OR10H1: variants seen among roughly 807,000 people sequenced by gnomAD.
The protein encoded by OR10H1 is olfactory receptor family 10 subfamily H member 1, also known as olfactory receptor 10H1.
A neutral mutation model predicts 13.1 loss-of-function variants in OR10H1; 12 were observed. The ratio of observed to expected loss-of-function variants is 0.92; its 90% CI spans 0.59 to 1.48. The LOEUF is 1.48. Ranked by LOEUF, OR10H1 falls within the 40% of genes most tolerant of loss-of-function variation. The pLI is 0.00. For missense variants in OR10H1, 363 were observed against 413.1 expected (o/e 0.88, Z 1.05); for synonymous variants, 168 against 175.6 (o/e 0.96, Z 0.34).
chr19:15,809,904 C>T (rs2088923877), intron 2 of OR10H1, among the ~76,000 whole-genome samples: 1 of 151,994 alleles, frequency 6.6e-6, no homozygotes, highest in Admixed American at 6.5e-5. Context: ...CAGCCTTCGG[C>T]TCCTGGGCTT....
intron 2 of OR10H1, among the ~76,000 whole-genome samples, chr19:15,809,175 C>T (rs974069136): frequency 1.2e-4 from 19 of 152,130 alleles, no homozygotes; most frequent in Non-Finnish European, 2.4e-4. Context: ...TGTTCTGAGG[C>T]AATGAAATGT....
rs2088912352 is a variant in OR10H1, at chr19:15,807,956, A to G, written c.82T>C (p.Phe28Leu). Reference protein sequence around the residue: ...SVFPHLQLMLFLLFLLMYLFT... With the variant: ...SVFPHLQLMLLLLFLLMYLFT... ...AGGTACATCAGCAGGAACAGCAGGA[A>G]GAGCATCAGCTGGAGGTGGGGGAAG... is the stretch of plus-strand genomic sequence containing the variant. The change falls in exon 4 of 4, where the codon TTC (phenylalanine) becomes CTC (leucine). Residue 28 changes from phenylalanine to leucine, a missense_variant. Coordinates refer to ENST00000641419, the MANE Select transcript of OR10H1 (RefSeq NM_013940.4). 1 of 1,614,074 alleles carries G rather than the reference A, an allele frequency of 6.2e-7. No homozygotes were observed. Among genetic ancestry groups the G allele is most frequent in the Non-Finnish European group, 8.5e-7 (1 of 1,180,012 alleles).
chr19:15,813,815 GGGAGAGAGAGAGAAGT>G (rs1422339055), intron 1 of OR10H1, among the ~76,000 whole-genome samples: 1 of 150,976 alleles, frequency 6.6e-6, no homozygotes, highest in Admixed American at 6.6e-5. Context: ...GAGAAGGGTG[GGGAGAGAGAGAGAAGT>G]GGAGAGAGAG....
Position 15,806,755 on chromosome 19 carries a change from T to C in OR10H1, c.*326A>G. The C allele has an allele frequency of 4.0e-6, 1 of 251,724 alleles. No individual in the cohort carries two copies. Among genetic ancestry groups the C allele is most frequent in the Non-Finnish European group, 7.7e-6 (1 of 130,684 alleles). 15.6% of individuals were successfully genotyped at this position (251,724 alleles called of 1,614,324 possible). On this transcript the variant is annotated 3_prime_UTR_variant, in exon 4 of 4. Transcript: ENST00000641419. ...TTTCTTTCTTTCTTCTTTGAGACAG[T>C]CTCACTCTGTCGCCCAGGCTGGAGT...
chr19:15,808,939 C>A (rs1403948727), intron 2 of OR10H1, 98 bp from the exon 3 acceptor site: 1 of 152,194 alleles, frequency 6.6e-6, no homozygotes, highest in Non-Finnish European at 1.5e-5. Context: ...TGCCCTCCTA[C>A]TCCCTTCTGA....
In OR10H1 at chr19:15,808,998, C is replaced by T. The variant is rs368020688; in HGVS notation, c.-128-157G>A. Among the ~76,000 whole-genome samples, 35 of 152,272 alleles carry T rather than the reference C, an allele frequency of 2.3e-4. No homozygotes were observed. In the East Asian group the frequency reaches 6.0e-3, roughly 26 times the overall value. ...CCAGGTATCATGAGACGTTCCCACC[C>T]ATGGCTGCAACTCCTTGGAACAGGG... On this transcript the variant is annotated intron_variant, in intron 2 of 3. Transcript: ENST00000641419.
intron 2 of OR10H1, among the ~76,000 whole-genome samples, chr19:15,809,826 T>C (rs954045384): frequency 6.6e-6 from 1 of 152,098 alleles, no homozygotes; most frequent in African/African-American, 2.4e-5. Context: ...TTTTTTTTTT[T>C]TCAAAAGACA....
intron 3 of OR10H1, among the ~76,000 whole-genome samples, chr19:15,808,394 C>T (rs1266100201): frequency 6.6e-6 from 1 of 152,112 alleles, no homozygotes; most frequent in South Asian, 2.1e-4. Context: ...TGCCCCCAAA[C>T]GAAAATGCTC....
intron 1 of OR10H1, among the ~76,000 whole-genome samples, chr19:15,813,632 A>C (rs952394196): frequency 1.4e-5 from 2 of 141,134 alleles, no homozygotes; most frequent in Non-Finnish European, 3.1e-5. Context: ...AGAGAGAGAG[A>C]TGGAGGGAGA....
At position 15,806,738 on chromosome 19, in the gene OR10H1, TTTC is replaced by T. The variant is rs1432845645; in HGVS notation, c.*340_*342del. 1 of 208,210 alleles carries T rather than the reference TTTC, an allele frequency of 4.8e-6. No homozygotes were observed. Among genetic ancestry groups the T allele is most frequent in the Non-Finnish European group, 9.7e-6 (1 of 103,320 alleles). 12.9% of individuals were successfully genotyped at this position (208,210 alleles called of 1,614,324 possible). A position where few individuals can be genotyped will look rare whatever the true frequency, so the allele number is the denominator to read the frequency against. ...GTAATTTTCTTTTTTTCTTTCTTTC[TTTC>T]TTCTTTGAGACAGTCTCACTCTGTC... is the stretch of plus-strand genomic sequence containing the variant. On this transcript the variant is annotated 3_prime_UTR_variant, in exon 4 of 4. Transcript: ENST00000641419.
At position 15,814,472 on chromosome 19, in the gene OR10H1, TGTGTGTGTGAGAGAGAGAGAGAGAGAGA is replaced by T. The variant is rs1260995493; in HGVS notation, c.-778+1055_-778+1082del. Among the ~76,000 whole-genome samples, 363 of 48,620 alleles carry T rather than the reference TGTGTGTGTGAGAGAGAGAGAGAGAGAGA, an allele frequency of 7.5e-3. 4 individuals are homozygous for T. Among genetic ancestry groups the T allele is most frequent in the African/African-American group, 0.03 (331 of 11,198 alleles). 31.9% of individuals were successfully genotyped at this position (48,620 alleles called of 152,430 possible). Reference sequence around the variant, plus strand: ...GTGTGTGTGTGTGTGTGTGTGTGTGTGTGTGTGTGAGAGAGAGAGAGAGAGAGAGAGAGAGAGAGAGAGAGAGAGAGAG... The same window carrying T: ...GTGTGTGTGTGTGTGTGTGTGTGTGTGAGAGAGAGAGAGAGAGAGAGAGAG... On this transcript the variant is annotated intron_variant, in intron 1 of 3. Coordinates refer to ENST00000641419, the MANE Select transcript of OR10H1 (RefSeq NM_013940.4).
chr19:15,812,876 A>G lies in OR10H1; in HGVS notation c.-775T>C, dbSNP rs976027259. On this transcript the variant is annotated splice_region_variant and 5_prime_UTR_variant, in exon 2 of 4. The change abolishes an upstream ATG in the 5' untranslated region. Transcript: ENST00000641419. ...ATGCAGCTAAAAGGGTAGTCCAGTC[A>G]TTCTGGAAAAATCAAAACCATGGAG... The G allele has an allele frequency of 1.3e-5, 2 of 152,142 alleles. No homozygotes were observed. Among genetic ancestry groups the G allele is most frequent in the Non-Finnish European group, 2.9e-5 (2 of 68,034 alleles). The allele number at this position is 152,142 out of a possible 1,614,324, so 9.4% of individuals were successfully genotyped here. A position where few individuals can be genotyped will look rare whatever the true frequency, so the allele number is the denominator to read the frequency against.
At chr19:15,810,307 A>G (rs2144942946) in intron 2 of OR10H1, among the ~76,000 whole-genome samples, 1 of 151,094 alleles carries the variant, frequency 6.6e-6, no homozygotes, top group Non-Finnish European at 1.5e-5. Flanking sequence ...AAAAAAAAAA[A>G]AAAAAGGAGT....
chr19:15,810,309 A>AG (rs1476766128), intron 2 of OR10H1, among the ~76,000 whole-genome samples: 1 of 151,004 alleles, frequency 6.6e-6, no homozygotes, highest in Admixed American at 6.6e-5. Flanking sequence ...AAAAAAAAAA[A>AG]AAAGGAGTAA....
In OR10H1 at chr19:15,805,027, G is replaced by C. The variant is rs1180141380; in HGVS notation, c.*2054C>G. 6.6e-6 allele frequency: 1 copy of C among 152,114 alleles called. No individual in the cohort carries two copies. The highest frequency in any genetic ancestry group is 2.4e-5 in the African/African-American group (1 of 41,418). 9.4% of individuals were successfully genotyped at this position (152,114 alleles called of 1,614,324 possible). On this transcript the variant is annotated 3_prime_UTR_variant, in exon 4 of 4. Coordinates refer to ENST00000641419, the MANE Select transcript of OR10H1 (RefSeq NM_013940.4). Reference sequence around the variant, plus strand: ...TGGCTGCATAAATGTCTTCTTTTGAGAAGTGTCTGTTCATATCCTTTGCCC... The same window carrying C: ...TGGCTGCATAAATGTCTTCTTTTGACAAGTGTCTGTTCATATCCTTTGCCC...
Position 15,808,856 on chromosome 19 carries a change from A to C in OR10H1, c.-128-15T>G, listed in dbSNP as rs1194437207. 4.6e-5 allele frequency: 7 copies of C among 152,138 alleles called. No individual in the cohort carries two copies. The East Asian group carries it at 1.2e-3, about 25-fold the overall frequency. The allele number at this position is 152,138 out of a possible 1,614,324, so 9.4% of individuals were successfully genotyped here. On this transcript the variant is annotated splice_polypyrimidine_tract_variant and intron_variant, in intron 2 of 3. Coordinates refer to ENST00000641419, the MANE Select transcript of OR10H1 (RefSeq NM_013940.4). ...AGAGCGAGTCTCTGTCTCAAAAAAA[A>C]AAAAAATAAATAAATAAAAAGAAGA...
At chr19:15,814,445 T>TTG (rs148400110) in intron 1 of OR10H1, among the ~76,000 whole-genome samples, 11 of 101,968 alleles carry the variant, frequency 1.1e-4, no homozygotes, top group Non-Finnish European at 2.1e-4. Flanking sequence ...GACGCCTCCC[T>TTG]TGTGTGTGTG....
At chr19:15,813,434 AAGAGAAAGAG>A (rs1330902850) in intron 1 of OR10H1, among the ~76,000 whole-genome samples, 2 of 150,076 alleles carry the variant, frequency 1.3e-5, no homozygotes, top group Admixed American at 6.6e-5. Context: ...GAAAGGTAGG[AAGAGAAAGAG>A]AGAGATGGGG....
chr19:15,815,077 A>C (rs2088958860), intron 1 of OR10H1, among the ~76,000 whole-genome samples: 1 of 152,178 alleles, frequency 6.6e-6, no homozygotes, highest in African/African-American at 2.4e-5. Flanking sequence ...ACGATGGCTC[A>C]TGCCTGTAAT....
Sources: allele counts gnomAD v4.1 joint callset (sites outside exome capture counted in the v4.1 genomes callset), GRCh38; gene constraint gnomAD v4.1.1; transcripts MANE v1.5; gene names NCBI Gene and HGNC (gene_info 2026-07-23, HGNC 2026-07-21).